LRRTM4: variants seen among roughly 807,000 people sequenced by gnomAD.
LRRTM4 encodes leucine rich repeat transmembrane neuronal 4, also known as leucine-rich repeat transmembrane neuronal protein 4.
A neutral mutation model predicts 47.6 loss-of-function variants in LRRTM4; 25 were observed. That is an observed-to-expected ratio of 0.53 (90% CI 0.38 to 0.73). LRRTM4 has a LOEUF of 0.73. LRRTM4 is among the 30% of genes least tolerant of loss of function. LRRTM4 has a pLI of 0.00. For missense variants in LRRTM4, 638 were observed against 713.4 expected (o/e 0.89, Z 1.20); for synonymous variants, 311 against 269.5 (o/e 1.15, Z -1.51).
Position 77,136,599 on chromosome 2 carries a change from G to A in LRRTM4, c.1551+381719C>T, listed in dbSNP as rs1008398678. ...CCCTTCCAAAGGAACGCAGCTCCTC[G>A]CTAGGAAAAGAACAAAGCTGGATAG... is the stretch of plus-strand genomic sequence containing the variant. On this transcript the variant is annotated intron_variant, in intron 3 of 3. Transcript: ENST00000409884. 5.9e-5 allele frequency among the ~76,000 whole-genome samples: 9 copies of A among 152,252 alleles called. No homozygotes were observed. In the East Asian group the frequency reaches 1.2e-3, roughly 20 times the overall value.
rs367895189 is a variant in LRRTM4, at chr2:76,810,030, C to G, written c.1552-61114G>C. Reference sequence around the variant, plus strand: ...TTACATTTCTTCATAGCATGTATCACCAGCTGATATTATGTTCCATATTGA... The same window carrying G: ...TTACATTTCTTCATAGCATGTATCAGCAGCTGATATTATGTTCCATATTGA... On this transcript the variant is annotated intron_variant, in intron 3 of 3. Transcript: ENST00000409884. Among the ~76,000 whole-genome samples the G allele has an allele frequency of 1.1e-4, 16 of 152,266 alleles. No individual in the cohort carries two copies. In the East Asian group the frequency reaches 2.3e-3, roughly 22 times the overall value.
At chr2:76,955,319 A>T (rs1317047279) in intron 3 of LRRTM4, among the ~76,000 whole-genome samples, 1 of 151,862 alleles carries the variant, frequency 6.6e-6, no homozygotes, top group Admixed American at 6.6e-5. Flanking sequence ...TTGTGACATC[A>T]ATGTAAAAAA....
At position 77,396,076 on chromosome 2, in the gene LRRTM4, A is replaced by G. The variant is rs532617246; in HGVS notation, c.1551+122242T>C. 7.9e-5 allele frequency among the ~76,000 whole-genome samples: 12 copies of G among 152,042 alleles called. No homozygotes were observed. The South Asian group carries it at 2.5e-3, about 32-fold the overall frequency. ...CATTTAAAGCAGGATCTTGTTCTGAATCACTTAGGTGCTATCATTAGGATA... is the reference window on the plus strand; with the variant it reads ...CATTTAAAGCAGGATCTTGTTCTGAGTCACTTAGGTGCTATCATTAGGATA... On this transcript the variant is annotated intron_variant, in intron 3 of 3. Coordinates refer to ENST00000409884, the MANE Select transcript of LRRTM4 (RefSeq NM_001134745.3).
chr2:77,160,884 T>G (rs1032584890), intron 3 of LRRTM4, among the ~76,000 whole-genome samples: 3 of 152,214 alleles, frequency 2.0e-5, no homozygotes, highest in African/African-American at 7.2e-5. Flanking sequence ...CATGATTGCT[T>G]GCACATAGTC....
intron 3 of LRRTM4, among the ~76,000 whole-genome samples, chr2:76,777,081 T>C (rs879905987): frequency 3.0e-3 from 432 of 144,444 alleles, no homozygotes; most frequent in Non-Finnish European, 4.4e-3. Context: ...ATACGCGGCA[T>C]TATTTCTGAG....
intron 3 of LRRTM4, among the ~76,000 whole-genome samples, chr2:77,470,301 A>G (rs1677139559): frequency 6.6e-6 from 1 of 152,182 alleles, no homozygotes; most frequent in South Asian, 2.1e-4. Context: ...TGGCATATGG[A>G]CAGGCAGATG....
intron 3 of LRRTM4, among the ~76,000 whole-genome samples, chr2:76,771,269 C>A (rs756403162): frequency 6.6e-6 from 1 of 152,124 alleles, no homozygotes; most frequent in South Asian, 2.1e-4. Context: ...ATCAGCTCTT[C>A]GGAAACAGTA....
At chr2:76,986,230 T>C (rs1337401014) in intron 3 of LRRTM4, among the ~76,000 whole-genome samples, 1 of 150,208 alleles carries the variant, frequency 6.7e-6, no homozygotes, top group Non-Finnish European at 1.5e-5. Flanking sequence ...GCATTTAAAA[T>C]TCTGTTCTTT....
At chr2:77,026,097 G>A (rs1678443233) in intron 3 of LRRTM4, among the ~76,000 whole-genome samples, 1 of 152,098 alleles carries the variant, frequency 6.6e-6, no homozygotes, top group Non-Finnish European at 1.5e-5. Context: ...TTTGCCTTGG[G>A]TAAGTAATTT....
At chr2:77,415,179 T>C (rs1315935206) in intron 3 of LRRTM4, among the ~76,000 whole-genome samples, 1 of 152,210 alleles carries the variant, frequency 6.6e-6, no homozygotes, top group Non-Finnish European at 1.5e-5. Context: ...TTGTATACAT[T>C]TTTTTCTGAA....
chr2:77,262,280 G>A (rs1446133676), intron 3 of LRRTM4, among the ~76,000 whole-genome samples: 2 of 152,088 alleles, frequency 1.3e-5, no homozygotes, highest in East Asian at 3.9e-4. Context: ...TGCACTTGAA[G>A]CATCCCAAAA....
At chr2:76,772,676 G>A (rs1027385302) in intron 3 of LRRTM4, among the ~76,000 whole-genome samples, 5 of 152,060 alleles carry the variant, frequency 3.3e-5, no homozygotes, top group African/African-American at 1.2e-4. Flanking sequence ...GTACAGTAGT[G>A]CCCACTTATT....
chr2:76,950,547 T>C (rs1372388894), intron 3 of LRRTM4, among the ~76,000 whole-genome samples: 3 of 151,966 alleles, frequency 2.0e-5, no homozygotes, highest in Admixed American at 2.0e-4. Flanking sequence ...AAATGTGTCC[T>C]CTGGTTAATC....
At chr2:76,983,858 A>C (rs1461075463) in intron 3 of LRRTM4, among the ~76,000 whole-genome samples, 1 of 152,096 alleles carries the variant, frequency 6.6e-6, no homozygotes, top group Non-Finnish European at 1.5e-5. Flanking sequence ...GTTTAGAGAC[A>C]AACAGCTAAT....
intron 3 of LRRTM4, among the ~76,000 whole-genome samples, chr2:76,975,005 C>T (rs1281606794): frequency 6.6e-6 from 1 of 151,554 alleles, no homozygotes; most frequent in Non-Finnish European, 1.5e-5. Flanking sequence ...GAGTGATTAG[C>T]TATCTATAAA....
rs548442371 is a variant in LRRTM4, at chr2:77,013,373, G to T, written c.1552-264457C>A. 3.3e-5 allele frequency among the ~76,000 whole-genome samples: 5 copies of T among 152,262 alleles called. No homozygotes were observed. The South Asian group carries it at 1.0e-3, about 32-fold the overall frequency. On this transcript the variant is annotated intron_variant, in intron 3 of 3. Coordinates refer to ENST00000409884, the MANE Select transcript of LRRTM4 (RefSeq NM_001134745.3). ...CCTCAGCTCGCAGGCAATAGAGAAT[G>T]GATATTACTGTGGAGCAACTTTACC...
intron 3 of LRRTM4, among the ~76,000 whole-genome samples, chr2:77,108,672 C>T (rs941656831): frequency 6.6e-5 from 10 of 151,076 alleles, no homozygotes; most frequent in African/African-American, 2.4e-4. Context: ...CAAGCTCCGC[C>T]TCCCGGGTTC....
At chr2:77,233,012 TG>T (rs1388939046) in intron 3 of LRRTM4, among the ~76,000 whole-genome samples, 2 of 152,214 alleles carry the variant, frequency 1.3e-5, no homozygotes, top group African/African-American at 4.8e-5. Context: ...TATAAATTAG[TG>T]GATGAAAAGT....
chr2:77,240,986 T>G (rs565125197), intron 3 of LRRTM4, among the ~76,000 whole-genome samples: 1 of 152,074 alleles, frequency 6.6e-6, no homozygotes, highest in East Asian at 1.9e-4. Flanking sequence ...TTTCCCCAAA[T>G]TGACCTACAG....
Sources: gnomAD v4.1 joint callset for allele counts (sites outside exome capture counted in the v4.1 genomes callset) on GRCh38, gnomAD v4.1.1 for gene constraint, MANE v1.5 for transcripts, NCBI Gene and HGNC (gene_info 2026-07-23, HGNC 2026-07-21) for gene names.